Variants in NRXN3 observed in about 807,000 individuals in gnomAD.
NRXN3 encodes neurexin 3, also known as neurexin III.
NRXN3 carries 32 observed loss-of-function variants against 137.6 expected under a neutral mutation model. The observed-to-expected ratio is 0.23, with a 90% CI of 0.18 to 0.31. The LOEUF (loss-of-function observed/expected upper bound fraction) is 0.31. Ranked by LOEUF, NRXN3 falls within the 10% of genes least tolerant of loss-of-function variation. The pLI is 1.00. For missense variants in NRXN3, 1,574 were observed against 2,062.5 expected, an observed-to-expected ratio of 0.76 and a Z score of 4.59; for synonymous variants, 798 against 784.5, an observed-to-expected ratio of 1.02 and a Z score of -0.29.
At chr14:79,635,447 A>G (rs1325257567) in intron 16 of NRXN3, among the ~76,000 whole-genome samples, 2 of 152,184 alleles carry the variant, frequency 1.3e-5, no homozygotes, top group Admixed American at 1.3e-4. Context: ...CAAACGTACT[A>G]GTTTTCTAGG....
intron 15 of NRXN3, among the ~76,000 whole-genome samples, chr14:79,107,342 T>C (rs1000592316): frequency 2.1e-4 from 32 of 152,114 alleles, no homozygotes; most frequent in Non-Finnish European, 4.3e-4. Flanking sequence ...GTGATGAGTA[T>C]GTGAACTTTG....
intron 16 of NRXN3, among the ~76,000 whole-genome samples, chr14:79,545,642 A>C (rs962627495): frequency 1.1e-4 from 16 of 151,882 alleles, no homozygotes; most frequent in African/African-American, 3.9e-4. Context: ...TCTGCCTACC[A>C]TAAGAGATTG....
intron 4 of NRXN3, among the ~76,000 whole-genome samples, chr14:78,400,780 C>T (rs1248005105): frequency 6.6e-6 from 1 of 152,148 alleles, no homozygotes; most frequent in Admixed American, 6.6e-5. Flanking sequence ...TGTATGCAGT[C>T]GGTTTCTCTC....
At chr14:78,459,310 A>C (rs1240707865) in intron 4 of NRXN3, among the ~76,000 whole-genome samples, 1 of 152,198 alleles carries the variant, frequency 6.6e-6, no homozygotes, top group Non-Finnish European at 1.5e-5. Context: ...AAAATGAAGA[A>C]GTTAAGGCCT....
intron 16 of NRXN3, among the ~76,000 whole-genome samples, chr14:79,621,282 G>A (rs1315814240): frequency 6.6e-6 from 1 of 152,164 alleles, no homozygotes; most frequent in Non-Finnish European, 1.5e-5. Flanking sequence ...CACTTTTGTA[G>A]TTACACATTT....
chr14:79,140,502 G>T (rs938357873), intron 15 of NRXN3, among the ~76,000 whole-genome samples: 1 of 151,888 alleles, frequency 6.6e-6, no homozygotes, highest in Non-Finnish European at 1.5e-5. Context: ...TACCTCCTGA[G>T]TATAAGTGGA....
intron 10 of NRXN3, among the ~76,000 whole-genome samples, chr14:78,829,364 T>C (rs2098975604): frequency 6.6e-6 from 1 of 152,196 alleles, no homozygotes; most frequent in Non-Finnish European, 1.5e-5. Context: ...TGAGGGACAG[T>C]TAAATCACAC....
intron 15 of NRXN3, among the ~76,000 whole-genome samples, chr14:79,344,412 A>G (rs1341187269): frequency 1.3e-5 from 2 of 152,188 alleles, no homozygotes; most frequent in Admixed American, 1.3e-4. Flanking sequence ...ATGTGTTACC[A>G]AACCATTTGA....
At chr14:78,294,563 A>G (rs2153522176) in intron 3 of NRXN3, among the ~76,000 whole-genome samples, 1 of 151,518 alleles carries the variant, frequency 6.6e-6, no homozygotes, top group African/African-American at 2.4e-5. Flanking sequence ...CTCAAAAAAA[A>G]AAAAAAAAAA....
chr14:78,274,096 A>C (rs545329794), intron 2 of NRXN3, among the ~76,000 whole-genome samples: 1 of 152,248 alleles, frequency 6.6e-6, no homozygotes, highest in South Asian at 2.1e-4. Flanking sequence ...ATCTAGTACA[A>C]ATGAAGAGTG....
chr14:79,580,541 TGC>T (rs2097705705), intron 16 of NRXN3, among the ~76,000 whole-genome samples: 2 of 152,112 alleles, frequency 1.3e-5, no homozygotes, highest in African/African-American at 4.8e-5. Context: ...GGGCTGGGAC[TGC>T]CCATGCATTC....
At chr14:79,308,938 T>A (rs1232099251) in intron 15 of NRXN3, among the ~76,000 whole-genome samples, 1 of 146,686 alleles carries the variant, frequency 6.8e-6, no homozygotes, top group Non-Finnish European at 1.5e-5. Context: ...TTTTAATTTT[T>A]TTTTTATTAT....
rs17109244 is a variant in NRXN3 at position 79,469,640 on chromosome 14, G to C, written c.3444+2238G>C. On this transcript the variant is annotated intron_variant, in intron 16 of 20. Transcript: ENST00000335750. ...GGGTGATACAGCCGATTGCTTAAAC[G>C]TTCTGTGAAAGCCCAGTAGATTTTC... is the stretch of plus-strand genomic sequence containing the variant. Among the ~76,000 whole-genome samples the C allele has an allele frequency of 2.4e-3, 358 of 152,266 alleles. 11 individuals carry two copies. The East Asian group carries it at 0.05, about 21-fold the overall frequency.
chr14:78,386,108 C>G (rs112912496), intron 4 of NRXN3, among the ~76,000 whole-genome samples: 2 of 151,556 alleles, frequency 1.3e-5, no homozygotes, highest in South Asian at 4.2e-4. Flanking sequence ...TAAAGAGAGA[C>G]GGGAGGATAA....
chr14:78,217,795 G>A (rs1469649619), intron 1 of NRXN3, among the ~76,000 whole-genome samples: 1 of 152,184 alleles, frequency 6.6e-6, no homozygotes, highest in Non-Finnish European at 1.5e-5. Context: ...CCAAGTAGCT[G>A]GGATTACAGG....
chr14:79,105,865 G>A (rs2052336431), intron 15 of NRXN3, among the ~76,000 whole-genome samples: 1 of 152,022 alleles, frequency 6.6e-6, no homozygotes, highest in African/African-American at 2.4e-5. Context: ...ATAAAAACAC[G>A]AATATTTATT....
chr14:78,399,842 T>C (rs1031029460), intron 4 of NRXN3, among the ~76,000 whole-genome samples: 9 of 152,174 alleles, frequency 5.9e-5, no homozygotes, highest in African/African-American at 2.2e-4. Context: ...CTCTGTTTTG[T>C]AGAATGGTAG....
chr14:79,071,216 A>AT (rs11407318), intron 15 of NRXN3, among the ~76,000 whole-genome samples: 89,164 of 151,416 alleles, frequency 0.59, 26,961 homozygotes, highest in East Asian at 0.81. Flanking sequence ...GAAGAAACAC[A>AT]TTTTTTTTAA....
intron 16 of NRXN3, among the ~76,000 whole-genome samples, chr14:79,535,865 C>G (rs2097206367): frequency 6.6e-6 from 1 of 152,124 alleles, no homozygotes; most frequent in African/African-American, 2.4e-5. Context: ...GGGTTTGCCC[C>G]TATAACAAGG....
Sources: gnomAD v4.1 joint callset for allele counts (sites outside exome capture counted in the v4.1 genomes callset) on GRCh38, gnomAD v4.1.1 for gene constraint, MANE v1.5 for transcripts, NCBI Gene and HGNC (gene_info 2026-07-23, HGNC 2026-07-21) for gene names.